PARP8: variants seen among roughly 807,000 people sequenced by gnomAD.
PARP8 encodes poly(ADP-ribose) polymerase family member 8, also known as protein mono-ADP-ribosyltransferase PARP8.
PARP8 carries 51 observed loss-of-function variants against 124.1 expected under a neutral mutation model. That is an observed-to-expected ratio of 0.41 (90% confidence interval 0.33 to 0.52). The LOEUF (loss-of-function observed/expected upper bound fraction) is 0.52. Among genes scored for constraint, PARP8 ranks in the 20% least tolerant of loss-of-function variants. The probability of loss-of-function intolerance (pLI) is 0.21; values close to 1 mark genes in which losing one functional copy is unlikely to be tolerated. For missense variants in PARP8, 860 were observed against 1,018.9 expected, an observed-to-expected ratio of 0.84 and a Z score of 2.12; for synonymous variants, 391 against 361.5, an observed-to-expected ratio of 1.08 and a Z score of -0.93.
At chr5:50,800,264 A>G (rs1743050195) in intron 14 of PARP8, among the ~76,000 whole-genome samples, 1 of 152,150 alleles carries the variant, frequency 6.6e-6, no homozygotes, top group African/African-American at 2.4e-5. Flanking sequence ...AATAGAAGTT[A>G]TTTTTGCATG....
rs752791001 is a variant in PARP8 at position 50,797,234 on chromosome 5, G to A, written c.1575+1G>A. The A allele has an allele frequency of 6.3e-7, 1 of 1,592,502 alleles. No homozygotes were observed. On this transcript the variant is annotated splice_donor_variant, in intron 14 of 25. Coordinates refer to ENST00000281631, the MANE Select transcript of PARP8 (RefSeq NM_024615.4). LOFTEE classifies it high-confidence loss of function. ...GTTTCAAAATGGCCCTATGCTTAGG[G>A]TAAGTTCTTGCTGATAGAATGTCCG...
chr5:50,821,017 G>A (rs1745704394), intron 15 of PARP8, among the ~76,000 whole-genome samples, 196 bp from the exon 16 acceptor site: 1 of 152,202 alleles, frequency 6.6e-6, no homozygotes, highest in Admixed American at 6.5e-5. Context: ...GTAATGAGAA[G>A]CAGCACATGT....
intron 3 of PARP8, among the ~76,000 whole-genome samples, chr5:50,753,517 C>T (rs952670697): frequency 1.3e-5 from 2 of 151,856 alleles, no homozygotes; most frequent in Non-Finnish European, 2.9e-5. Context: ...CAATACTTTC[C>T]ATATTTGAAA....
intron 3 of PARP8, 28 bp downstream of exon 3, chr5:50,750,216 A>G: frequency 6.5e-7 from 1 of 1,538,894 alleles, no homozygotes; most frequent in African/African-American, 1.4e-5. Flanking sequence ...TATTACAGAT[A>G]TTCGTATCAG....
intron 22 of PARP8, among the ~76,000 whole-genome samples, chr5:50,832,377 A>G (rs1747078344): frequency 6.6e-6 from 1 of 152,238 alleles, no homozygotes; most frequent in Non-Finnish European, 1.5e-5. Context: ...ATAGAATTTA[A>G]GAACAAATAA....
intron 17 of PARP8, among the ~76,000 whole-genome samples, chr5:50,824,638 G>A (rs1746139329): frequency 1.3e-5 from 2 of 152,022 alleles, no homozygotes; most frequent in South Asian, 4.1e-4. Flanking sequence ...TCATCTTTAG[G>A]GACATAGGCT....
intron 2 of PARP8, among the ~76,000 whole-genome samples, chr5:50,686,824 C>T (rs1751917725): frequency 1.3e-5 from 2 of 152,144 alleles, no homozygotes. Context: ...GTCAGGGTTG[C>T]AGTGGCTGGG....
In PARP8 at chr5:50,833,199, A is replaced by T. The variant is rs567879464; in HGVS notation, c.2307+345A>T. Among the ~76,000 whole-genome samples, 11 of 152,288 alleles carry T rather than the reference A, an allele frequency of 7.2e-5. No homozygotes were observed. In the South Asian group the frequency reaches 2.1e-3, roughly 29 times the overall value. ...TTAGATAGATAGAATGCTAGATATT[A>T]TGAAGAAAAATAAATCAGGGAAATG... is the stretch of plus-strand genomic sequence containing the variant. On this transcript the variant is annotated intron_variant, in intron 23 of 25. Transcript: ENST00000281631.
At chr5:50,810,791 T>C (rs1744350385) in intron 14 of PARP8, among the ~76,000 whole-genome samples, 1 of 152,124 alleles carries the variant, frequency 6.6e-6, no homozygotes, top group Non-Finnish European at 1.5e-5. Flanking sequence ...TCTTAAATAC[T>C]ACTTGAACCT....
At chr5:50,833,004 A>C (rs1747156430) in intron 23 of PARP8, 150 bp downstream of exon 23, 1 of 651,196 alleles carries the variant, frequency 1.5e-6, no homozygotes, top group East Asian at 2.8e-5. Flanking sequence ...GAAATGCAGT[A>C]ACTGAATTGC....
intron 14 of PARP8, among the ~76,000 whole-genome samples, chr5:50,804,625 A>T (rs1186045934): frequency 6.6e-6 from 1 of 152,154 alleles, no homozygotes; most frequent in African/African-American, 2.4e-5. Context: ...TCCATTTACA[A>T]AATATAGTAG....
At chr5:50,822,497 T>G (rs751294494) in intron 17 of PARP8, 97 bp downstream of exon 17, 10 of 960,856 alleles carry the variant, frequency 1.0e-5, no homozygotes, top group Non-Finnish European at 1.6e-5. Flanking sequence ...TACATATCAT[T>G]TAAAAATTTG....
intron 7 of PARP8, among the ~76,000 whole-genome samples, chr5:50,772,745 G>C (rs1380150020): frequency 6.6e-6 from 1 of 152,000 alleles, no homozygotes; most frequent in Non-Finnish European, 1.5e-5. Flanking sequence ...CACCCAGGCT[G>C]GAGTGCAGTA....
intron 2 of PARP8, among the ~76,000 whole-genome samples, chr5:50,729,655 G>A (rs1174663340): frequency 3.3e-5 from 5 of 152,102 alleles, no homozygotes; most frequent in African/African-American, 1.2e-4. Flanking sequence ...TTTCTTTTCA[G>A]TTAGGTGTGA....
intron 14 of PARP8, among the ~76,000 whole-genome samples, chr5:50,799,139 A>G (rs1742902461): frequency 6.6e-6 from 1 of 152,176 alleles, no homozygotes; most frequent in South Asian, 2.1e-4. Flanking sequence ...CTAAAAAGTA[A>G]TTGCCTAATT....
At chr5:50,689,917 T>G (rs1752315416) in intron 2 of PARP8, among the ~76,000 whole-genome samples, 1 of 152,334 alleles carries the variant, frequency 6.6e-6, no homozygotes, top group Non-Finnish European at 1.5e-5. Context: ...CTGGCATTTT[T>G]GGGAACATTC....
At chr5:50,801,398 C>A (rs1743217599) in intron 14 of PARP8, among the ~76,000 whole-genome samples, 1 of 152,112 alleles carries the variant, frequency 6.6e-6, no homozygotes, top group Non-Finnish European at 1.5e-5. Flanking sequence ...CATGCTAGGC[C>A]TCAAATTATC....
chr5:50,695,494 G>A (rs1752928711), intron 2 of PARP8, among the ~76,000 whole-genome samples: 3 of 152,144 alleles, frequency 2.0e-5, no homozygotes, highest in African/African-American at 4.8e-5. Context: ...GCCGTAATTT[G>A]TACTAATAAT....
At chr5:50,791,189 G>A (rs772387504) in intron 10 of PARP8, among the ~76,000 whole-genome samples, 1 of 152,034 alleles carries the variant, frequency 6.6e-6, no homozygotes, top group Non-Finnish European at 1.5e-5. Flanking sequence ...ATTTCAGACA[G>A]CAGAATAATT....
Sources: allele counts gnomAD v4.1 joint callset (sites outside exome capture counted in the v4.1 genomes callset), GRCh38; gene constraint gnomAD v4.1.1; transcripts MANE v1.5; gene names NCBI Gene and HGNC (gene_info 2026-07-23, HGNC 2026-07-21).